Variants in NOL4 observed in about 807,000 individuals in gnomAD.
The protein encoded by NOL4 is nucleolar protein 4.
NOL4 carries 17 observed loss-of-function variants against 75.9 expected under a neutral mutation model. The observed-to-expected ratio is 0.22, with a 90% CI of 0.15 to 0.34. The LOEUF is 0.34. NOL4 is among the 10% of genes least tolerant of loss of function. The pLI, the probability that NOL4 is intolerant of heterozygous loss-of-function variation, is 1.00. For missense variants in NOL4, 614 were observed against 793.5 expected (o/e 0.77, Z 2.72); for synonymous variants, 292 against 289.9 (o/e 1.01, Z -0.07).
chr18:34,182,032 A>G (rs1057134799), intron 1 of NOL4, among the ~76,000 whole-genome samples: 1 of 151,656 alleles, frequency 6.6e-6, no homozygotes, highest in Non-Finnish European at 1.5e-5. Context: ...AACTGACCAT[A>G]TGACCCAACA....
At chr18:33,968,642 G>A (rs1186469399) in intron 6 of NOL4, among the ~76,000 whole-genome samples, 1 of 152,128 alleles carries the variant, frequency 6.6e-6, no homozygotes, top group Non-Finnish European at 1.5e-5. Context: ...AAGGAGGGTA[G>A]TGGGGAAAGG....
At chr18:33,929,869 A>C (rs1017661860) in intron 9 of NOL4, among the ~76,000 whole-genome samples, 2 of 152,138 alleles carry the variant, frequency 1.3e-5, no homozygotes, top group African/African-American at 4.8e-5. Context: ...AAAACCATGG[A>C]AAATTTAGAA....
intron 1 of NOL4, among the ~76,000 whole-genome samples, chr18:34,197,289 G>A (rs1417232466): frequency 6.6e-6 from 1 of 151,706 alleles, no homozygotes; most frequent in Non-Finnish European, 1.5e-5. Context: ...TTAAAAAATG[G>A]CATTTCAGTG....
chr18:34,162,940 G>A (rs940425129), intron 1 of NOL4, among the ~76,000 whole-genome samples: 6 of 152,098 alleles, frequency 3.9e-5, no homozygotes, highest in Non-Finnish European at 5.9e-5. Flanking sequence ...TTCAACATAC[G>A]CAAATCAATA....
intron 4 of NOL4, among the ~76,000 whole-genome samples, chr18:34,096,039 T>G (rs762731660): frequency 6.6e-6 from 1 of 152,040 alleles, no homozygotes; most frequent in Non-Finnish European, 1.5e-5. Flanking sequence ...CTCTGTTCTA[T>G]GAAATGGTTG....
At chr18:34,122,324 C>A (rs556652211) in intron 2 of NOL4, among the ~76,000 whole-genome samples, 4 of 152,062 alleles carry the variant, frequency 2.6e-5, no homozygotes, top group Admixed American at 2.0e-4. Context: ...TAATAATATT[C>A]TCAAATTTAT....
intron 1 of NOL4, among the ~76,000 whole-genome samples, chr18:34,145,090 C>G (rs1452746249): frequency 6.6e-6 from 1 of 151,984 alleles, no homozygotes; most frequent in Admixed American, 6.6e-5. Flanking sequence ...TGTTATATTG[C>G]TCAATTATAC....
intron 5 of NOL4, among the ~76,000 whole-genome samples, chr18:34,028,922 C>G (rs55823517): frequency 0.45 from 68,191 of 151,970 alleles, 15,580 homozygotes; most frequent in South Asian, 0.52. Context: ...ATTATATTCT[C>G]TCTTTGATTA....
Position 33,910,425 on chromosome 18 carries a change from G to C in NOL4, c.1543-27001C>G, listed in dbSNP as rs372949226. On this transcript the variant is annotated intron_variant, in intron 9 of 10. Coordinates refer to ENST00000261592, the MANE Select transcript of NOL4 (RefSeq NM_003787.5). ...TTTCCTGCCATGTCATGGTTGGGCA[G>C]ATGCTGTGTTTCCCCATGGCAGAAC... Among the ~76,000 whole-genome samples the C allele has an allele frequency of 3.9e-5, 6 of 152,104 alleles. No homozygotes were observed. In the East Asian group the frequency reaches 1.2e-3, roughly 30 times the overall value.
intron 5 of NOL4, among the ~76,000 whole-genome samples, chr18:34,030,997 G>C (rs1030995016): frequency 6.6e-6 from 1 of 152,112 alleles, no homozygotes; most frequent in Non-Finnish European, 1.5e-5. Context: ...GGAGGGAGAG[G>C]AGAGATGAAT....
At chr18:34,150,615 C>CA (rs1348305981) in intron 1 of NOL4, among the ~76,000 whole-genome samples, 2 of 151,624 alleles carry the variant, frequency 1.3e-5, no homozygotes, top group African/African-American at 4.8e-5. Context: ...ATGTTAAATA[C>CA]AAAAAATATA....
intron 5 of NOL4, among the ~76,000 whole-genome samples, chr18:34,084,903 C>T (rs1174971433): frequency 6.6e-6 from 1 of 152,152 alleles, no homozygotes; most frequent in African/African-American, 2.4e-5. Flanking sequence ...TGCCTAAAGG[C>T]TAAAGCTGTT....
At chr18:33,949,855 A>G (rs978432855) in intron 8 of NOL4, among the ~76,000 whole-genome samples, 1 of 152,070 alleles carries the variant, frequency 6.6e-6, no homozygotes, top group African/African-American at 2.4e-5. Context: ...TTCTAGTTGA[A>G]GATTTAGAAA....
intron 9 of NOL4, among the ~76,000 whole-genome samples, chr18:33,930,307 T>C (rs2067601984): frequency 6.6e-6 from 1 of 152,146 alleles, no homozygotes; most frequent in South Asian, 2.1e-4. Flanking sequence ...TTTATAAATG[T>C]TATTATAACC....
chr18:33,963,928 G>A (rs1183918413), intron 6 of NOL4, among the ~76,000 whole-genome samples: 1 of 152,150 alleles, frequency 6.6e-6, no homozygotes, highest in Non-Finnish European at 1.5e-5. Context: ...GCGGTTGGGA[G>A]CTGTGTCTGA....
intron 10 of NOL4, among the ~76,000 whole-genome samples, chr18:33,859,181 G>A (rs1192479347): frequency 6.6e-6 from 1 of 151,772 alleles, no homozygotes; most frequent in Non-Finnish European, 1.5e-5. Flanking sequence ...TAAATCATTG[G>A]TTCATTAACT....
intron 1 of NOL4, among the ~76,000 whole-genome samples, chr18:34,134,814 T>C (rs760970878): frequency 1.6e-4 from 24 of 152,186 alleles, no homozygotes; most frequent in Non-Finnish European, 2.8e-4. Flanking sequence ...ACAAGGATAT[T>C]TGGGAAAACT....
intron 1 of NOL4, among the ~76,000 whole-genome samples, chr18:34,200,891 A>C (rs2035686830): frequency 6.6e-6 from 1 of 151,858 alleles, no homozygotes; most frequent in Non-Finnish European, 1.5e-5. Flanking sequence ...TTTCTAACCA[A>C]TAAGACAGTT....
chr18:34,107,603 G>C (rs2079367143), intron 2 of NOL4, among the ~76,000 whole-genome samples: 1 of 146,194 alleles, frequency 6.8e-6, no homozygotes, highest in Admixed American at 6.9e-5. Flanking sequence ...GCACAGGGAA[G>C]AAAGATCCTC....
Sources: gnomAD v4.1 joint callset for allele counts (sites outside exome capture counted in the v4.1 genomes callset) on GRCh38, gnomAD v4.1.1 for gene constraint, MANE v1.5 for transcripts, NCBI Gene and HGNC (gene_info 2026-07-23, HGNC 2026-07-21) for gene names.